Variants in WASHC2C observed in about 807,000 individuals in gnomAD.
WASHC2C encodes the protein Vaccinia Penetration Factor.
Under a neutral mutation model 142.2 loss-of-function variants are expected in WASHC2C, and 73 were observed. The ratio of observed to expected loss-of-function variants is 0.51; its 90% CI spans 0.43 to 0.62. WASHC2C has a LOEUF of 0.62. WASHC2C is among the 20% of genes least tolerant of loss of function. WASHC2C has a pLI of 0.00. For synonymous variants in WASHC2C, 337 were observed against 565.5 expected (o/e 0.60, Z 5.73); for missense variants, 969 against 1,531.7 (o/e 0.63, Z 6.13).
At chr10:45,791,103 A>G (rs1251941252) in intron 30 of WASHC2C, among the ~76,000 whole-genome samples, 1 of 131,378 alleles carries the variant, frequency 7.6e-6, no homozygotes, top group East Asian at 2.3e-4. Context: ...AGAACCCTAA[A>G]TATTGGACTT....
chr10:45,773,095 C>G (rs1305700964), intron 20 of WASHC2C, among the ~76,000 whole-genome samples, 161 bp from the exon 21 acceptor site: 1 of 142,140 alleles, frequency 7.0e-6, no homozygotes. Context: ...TTTCAAAGGT[C>G]TTTCCTGTTT....
At chr10:45,784,301 T>TATATAC (rs1564820656) in intron 23 of WASHC2C, among the ~76,000 whole-genome samples, 54 of 79,954 alleles carry the variant, frequency 6.8e-4, no homozygotes, top group African/African-American at 2.3e-3. Flanking sequence ...CACATATATA[T>TATATAC]ATATATATAT....
intron 18 of WASHC2C, among the ~76,000 whole-genome samples, chr10:45,764,306 A>G (rs1408315109): frequency 8.0e-5 from 12 of 149,956 alleles, no homozygotes; most frequent in South Asian, 4.3e-4. Flanking sequence ...TCTAGGCCAC[A>G]TGGTTTGTCT....
intron 30 of WASHC2C, among the ~76,000 whole-genome samples, chr10:45,790,955 G>A (rs2058360476): frequency 6.6e-6 from 1 of 152,168 alleles, no homozygotes; most frequent in African/African-American, 2.4e-5. Context: ...TTCTGTGCGA[G>A]AAGAGAGCAA....
At position 45,788,980 on chromosome 10, in the gene WASHC2C, T is replaced by C. The variant is rs1554891445; in HGVS notation, c.3197T>C (p.Ile1066Thr). The C allele has an allele frequency of 1.4e-5, 23 of 1,612,018 alleles. No individual in the cohort carries two copies. Among genetic ancestry groups the C allele is most frequent in the Admixed American group, 1.0e-4 (6 of 60,014 alleles). ...GACATGAGCGTCCCCAGAGGACCCA[T>C]TGCACAGTGGGCTGATGGCGCCATT... ...AEDMSVPRGP[I>T]AQWADGAISP... is the part of the protein sequence containing the mutation. The change falls in exon 29 of 31, where the codon ATT (isoleucine) becomes ACT (threonine). Residue 1066 changes from isoleucine to threonine, a missense_variant. Ile to Thr is a moderately conservative substitution (Grantham distance 89, BLOSUM62 -1). Coordinates refer to ENST00000623400, the MANE Select transcript of WASHC2C (RefSeq NM_001330074.2).
chr10:45,730,778 C>A (rs1460859951), intron 3 of WASHC2C, among the ~76,000 whole-genome samples: 2 of 151,958 alleles, frequency 1.3e-5, no homozygotes, highest in Non-Finnish European at 1.5e-5. Flanking sequence ...TGCCACCACG[C>A]CTGGCTAATT....
intron 8 of WASHC2C, 89 bp from the exon 9 acceptor site, chr10:45,750,007 A>G (rs1358454253): frequency 8.4e-7 from 1 of 1,187,982 alleles, no homozygotes; most frequent in Non-Finnish European, 1.1e-6. Flanking sequence ...AAAAGCTGTT[A>G]CTTCTTTGAA....
chr10:45,731,247 G>A (rs1277085824), intron 3 of WASHC2C, among the ~76,000 whole-genome samples: 2 of 142,822 alleles, frequency 1.4e-5, no homozygotes, highest in African/African-American at 5.4e-5. Flanking sequence ...CCGAGACAGA[G>A]TCTTGCTCTG....
chr10:45,765,017 G>T (rs2055620618), intron 18 of WASHC2C, among the ~76,000 whole-genome samples: 1 of 152,034 alleles, frequency 6.6e-6, no homozygotes, highest in Non-Finnish European at 1.5e-5. Flanking sequence ...TGATGCTTTT[G>T]TTCCCCTTAT....
intron 20 of WASHC2C, chr10:45,771,628 C>T (rs1330665010): frequency 2.1e-6 from 2 of 940,670 alleles, no homozygotes; most frequent in African/African-American, 3.6e-5. Context: ...TTCAGGAATG[C>T]TTTCTCTGCT....
intron 3 of WASHC2C, among the ~76,000 whole-genome samples, chr10:45,729,233 A>C (rs1564683859): frequency 6.6e-6 from 1 of 152,094 alleles, no homozygotes; most frequent in South Asian, 2.1e-4. Context: ...CTAATGATAA[A>C]ATTTTCTTAT....
chr10:45,753,942 G>T (rs1165329189), intron 13 of WASHC2C, among the ~76,000 whole-genome samples: 11 of 151,294 alleles, frequency 7.3e-5, no homozygotes, highest in Admixed American at 1.3e-4. Context: ...GCAGGCATCA[G>T]AGCTGGGCCT....
chr10:45,764,708 G>T (rs1215789307), intron 18 of WASHC2C, among the ~76,000 whole-genome samples: 7 of 152,234 alleles, frequency 4.6e-5, no homozygotes, highest in Admixed American at 4.6e-4. Context: ...GGAACCTGGG[G>T]CAAGTAACTT....
At chr10:45,754,400 T>A in intron 13 of WASHC2C, 86 bp from the exon 14 acceptor site, 6 of 1,601,342 alleles carry the variant, frequency 3.7e-6, no homozygotes, top group Non-Finnish European at 4.3e-6. Flanking sequence ...ACTAGCTGTG[T>A]GTTACATTGC....
intron 11 of WASHC2C, among the ~76,000 whole-genome samples, chr10:45,752,131 C>A (rs1339600386): frequency 6.6e-6 from 1 of 152,210 alleles, no homozygotes; most frequent in Admixed American, 6.5e-5. Context: ...ACTTAGGAAT[C>A]TCAAGCATTT....
chr10:45,771,924 G>C lies in WASHC2C; in HGVS notation c.2040-1332G>C, dbSNP rs1169441758. The stretch of plus-strand genomic sequence containing the variant: ...TATATACATAAGAGAAATGAAATTA[G>C]TTGTTCATATAAAAACTTGTACATG... On this transcript the variant is annotated intron_variant, in intron 20 of 30. Transcript: ENST00000623400. Among the ~76,000 whole-genome samples, 27 of 152,182 alleles carry C rather than the reference G, an allele frequency of 1.8e-4. No individual in the cohort carries two copies. The South Asian group carries it at 5.6e-3, about 32-fold the overall frequency.
chr10:45,744,351 G>C (rs1261738069), intron 6 of WASHC2C, among the ~76,000 whole-genome samples: 1 of 147,488 alleles, frequency 6.8e-6, no homozygotes, highest in Non-Finnish European at 1.5e-5. Flanking sequence ...AATCACAGTA[G>C]AATTACAAAG....
At chr10:45,751,048 G>A (rs1345264002) in intron 10 of WASHC2C, among the ~76,000 whole-genome samples, 2 of 152,086 alleles carry the variant, frequency 1.3e-5, no homozygotes, top group East Asian at 1.9e-4. Context: ...CAAGAAAAAC[G>A]TACATGTACA....
intron 3 of WASHC2C, among the ~76,000 whole-genome samples, chr10:45,731,491 G>A (rs1348930820): frequency 1.4e-5 from 2 of 145,290 alleles, no homozygotes; most frequent in Non-Finnish European, 3.0e-5. Context: ...CCGCCTCCCG[G>A]GTTCAAGCAG....
Sources: allele counts gnomAD v4.1 joint callset (sites outside exome capture counted in the v4.1 genomes callset), GRCh38; gene constraint gnomAD v4.1.1; transcripts MANE v1.5; gene names NCBI Gene and HGNC (gene_info 2026-07-23, HGNC 2026-07-21).